The following CEP120 variants were observed in gnomAD, a reference collection of about 807,000 sequenced individuals.
The protein encoded by CEP120 is centrosomal protein 120.
In CEP120, 113 loss-of-function variants were observed where a neutral mutation model predicts 126.5. The ratio of observed to expected loss-of-function variants is 0.89; its 90% CI spans 0.77 to 1.04. The LOEUF is 1.04. Among genes scored for constraint, CEP120 ranks in the 50% least tolerant of loss-of-function variants. CEP120 has a pLI of 0.00. For synonymous variants in CEP120, 400 were observed against 394.3 expected, an observed-to-expected ratio of 1.01 and a Z score of -0.17; for missense variants, 1,230 against 1,155.7, an observed-to-expected ratio of 1.06 and a Z score of -0.93.
At chr5:123,354,775 GTT>G (rs35277610) in intron 18 of CEP120, among the ~76,000 whole-genome samples, 9 of 150,626 alleles carry the variant, frequency 6.0e-5, no homozygotes, top group Non-Finnish European at 1.0e-4. Context: ...ACCATCCTAT[GTT>G]TTTTTTTTAA....
Position 123,346,377 on chromosome 5 carries a change from A to G in CEP120, c.*142T>C. The G allele has an allele frequency of 1.7e-6, 1 of 586,988 alleles. No homozygotes were observed. The highest frequency in any genetic ancestry group is 2.9e-6 in the Non-Finnish European group (1 of 342,480). The allele number at this position is 586,988 out of a possible 1,614,324, so 36.4% of individuals were successfully genotyped here. On this transcript the variant is annotated 3_prime_UTR_variant, in exon 20 of 20. Coordinates refer to ENST00000306467, the MANE Select transcript of CEP120 (RefSeq NM_001375405.1). The stretch of plus-strand genomic sequence containing the variant: ...GCATAAAGTAAATAAGATCAAATAA[A>G]TACTATACAATAACATACAAAATTT...
intron 10 of CEP120, among the ~76,000 whole-genome samples, chr5:123,385,622 T>A (rs951504618): frequency 3.3e-5 from 5 of 150,398 alleles, no homozygotes; most frequent in African/African-American, 1.2e-4. Flanking sequence ...TATACCTGTT[T>A]TTTTTTTTTT....
intron 5 of CEP120, 137 bp downstream of exon 5, chr5:123,398,999 A>G: frequency 1.7e-6 from 1 of 571,502 alleles, no homozygotes; most frequent in Non-Finnish European, 2.9e-6. Flanking sequence ...AGTATGAAAG[A>G]AAACATGTTT....
intron 3 of CEP120, among the ~76,000 whole-genome samples, chr5:123,415,494 G>A (rs951950127): frequency 6.6e-5 from 10 of 152,220 alleles, no homozygotes; most frequent in African/African-American, 1.9e-4. Flanking sequence ...GTTCAGAGAT[G>A]TCTTTTTGAG....
At chr5:123,365,606 A>G (rs201491677) in intron 17 of CEP120, among the ~76,000 whole-genome samples, 2 of 151,716 alleles carry the variant, frequency 1.3e-5, no homozygotes, top group East Asian at 3.9e-4. Flanking sequence ...CTGCTTTACA[A>G]ATCCCTAGTG....
rs774775234 is a variant in CEP120 at position 123,382,234 on chromosome 5, A to G, written c.2014-34T>C. 28 of 1,387,394 alleles carry G rather than the reference A, an allele frequency of 2.0e-5. 1 individual carries two copies. The highest frequency in any genetic ancestry group is 1.2e-4 in the South Asian group (10 of 81,970). The allele number at this position is 1,387,394 out of a possible 1,614,324, so 85.9% of individuals were successfully genotyped here. The stretch of plus-strand genomic sequence containing the variant: ...GGAAGAAAAATAAAGTCGCCAAAAA[A>G]CCCCAAATATGTCAAATAAATGAAT... On this transcript the variant is annotated intron_variant, in intron 13 of 19. Transcript: ENST00000306467.
At position 123,346,459 on chromosome 5, in the gene CEP120, GTTTTTACAAAGAAATTAAAATTTAGACTT is replaced by G. The variant is rs1768821565; in HGVS notation, c.*31_*59del. 7.9e-7 allele frequency: 1 copy of G among 1,269,632 alleles called. No individual in the cohort carries two copies. The highest frequency in any genetic ancestry group is 1.5e-5 in the African/African-American group (1 of 66,784). The allele number at this position is 1,269,632 out of a possible 1,614,324, so 78.6% of individuals were successfully genotyped here. Reference sequence around the variant, plus strand: ...AACATCCATTTTCCTCACTTTTGAGGTTTTTACAAAGAAATTAAAATTTAGACTTAGAGTCTCTATAAAGCTTTTCCAAA... The same window carrying G: ...AACATCCATTTTCCTCACTTTTGAGGAGAGTCTCTATAAAGCTTTTCCAAA... On this transcript the variant is annotated 3_prime_UTR_variant, in exon 20 of 20. Transcript: ENST00000306467.
chr5:123,348,753 G>C lies in CEP120; in HGVS notation c.2726+1191C>G, dbSNP rs1040364337. Among the ~76,000 whole-genome samples the C allele has an allele frequency of 5.3e-5, 8 of 152,138 alleles. No individual in the cohort carries two copies. The East Asian group carries it at 1.5e-3, about 29-fold the overall frequency. ...TTAACCTCTAATGTGATGGTATTTGGAAATGGACCTTTGGGAGACAATCAG... is the reference window on the plus strand; with the variant it reads ...TTAACCTCTAATGTGATGGTATTTGCAAATGGACCTTTGGGAGACAATCAG... On this transcript the variant is annotated intron_variant, in intron 19 of 19. Transcript: ENST00000306467.
Position 123,402,080 on chromosome 5 carries a change from G to A in CEP120, c.464-2796C>T, listed in dbSNP as rs1773287089. ...TCTTGATCTGCTCCTTCTCCTGGGT[G>A]CACACAGCCTGGATGTCGGGGTCCA... On this transcript the variant is annotated intron_variant, in intron 4 of 19. Transcript: ENST00000306467. 2.5e-6 allele frequency: 4 copies of A among 1,584,490 alleles called. No homozygotes were observed. In the Admixed American group the frequency reaches 5.0e-5, roughly 20 times the overall value.
intron 5 of CEP120, among the ~76,000 whole-genome samples, chr5:123,395,688 T>A (rs1772734998): frequency 6.6e-6 from 1 of 150,652 alleles, no homozygotes; most frequent in Non-Finnish European, 1.5e-5. Flanking sequence ...TTCCTTTTTT[T>A]TTTTTTTTTT....
At position 123,359,485 on chromosome 5, in the gene CEP120, T is replaced by C. The variant is rs1013988627; in HGVS notation, c.2580+5011A>G. On this transcript the variant is annotated intron_variant, in intron 18 of 19. Coordinates refer to ENST00000306467, the MANE Select transcript of CEP120 (RefSeq NM_001375405.1). ...CAAGTAGGAAAGCAGACAACTTCACTTGAGTATTTGTAGACCAATGCAATT... is the reference window on the plus strand; with the variant it reads ...CAAGTAGGAAAGCAGACAACTTCACCTGAGTATTTGTAGACCAATGCAATT... Among the ~76,000 whole-genome samples, 3 of 152,100 alleles carry C rather than the reference T, an allele frequency of 2.0e-5. No individual in the cohort carries two copies. The South Asian group carries it at 6.2e-4, about 31-fold the overall frequency.
chr5:123,374,943 A>AT (rs1480519029), intron 16 of CEP120, among the ~76,000 whole-genome samples: 1 of 152,128 alleles, frequency 6.6e-6, no homozygotes, highest in Non-Finnish European at 1.5e-5. Context: ...CAAACTACAG[A>AT]TTTGAGTTCT....
At chr5:123,382,639 G>C (rs1771727908) in intron 13 of CEP120, 98 bp downstream of exon 13, 1 of 1,086,284 alleles carries the variant, frequency 9.2e-7, no homozygotes. Flanking sequence ...AGTTAGATAA[G>C]GTACCTACAG....
At chr5:123,401,949 G>A in intron 4 of CEP120, 7 of 1,578,470 alleles carry the variant, frequency 4.4e-6, no homozygotes, top group Non-Finnish European at 6.0e-6. Flanking sequence ...GTTGCTCCCG[G>A]CCGTCTTCTG....
At position 123,422,985 on chromosome 5, in the gene CEP120, G is replaced by T. The variant is rs752431722; in HGVS notation, c.14C>A (p.Ser5Tyr). The T allele has an allele frequency of 3.1e-6, 5 of 1,614,146 alleles. No homozygotes were observed. In the East Asian group the frequency reaches 1.1e-4, roughly 36 times the overall value. MVSK[S>Y]DQLLIVVSIL... ...GGACACGACGATGAGCAATTGGTCG[G>T]ATTTGGAGACCATGGTTGCGGTGAG... is the stretch of plus-strand genomic sequence containing the variant. The change falls in exon 1 of 20, where the codon TCC becomes TAC. Residue 5 changes from serine (S) to tyrosine (Y), a missense_variant. Transcript: ENST00000306467.
chr5:123,345,146 A>G lies in CEP120; in HGVS notation c.*1373T>C, dbSNP rs1768720895. 6.6e-6 allele frequency: 1 copy of G among 152,162 alleles called. No individual in the cohort carries two copies. The highest frequency in any genetic ancestry group is 2.4e-5 in the African/African-American group (1 of 41,436). 9.4% of individuals were successfully genotyped at this position (152,162 alleles called of 1,614,324 possible). A position where few individuals can be genotyped will look rare whatever the true frequency, so the allele number is the denominator to read the frequency against. The stretch of plus-strand genomic sequence containing the variant: ...CAAGTGGCACAAAAATCAATGAGAG[A>G]AAAATAGCTAACCATAATTAATATT... On this transcript the variant is annotated 3_prime_UTR_variant, in exon 20 of 20. Transcript: ENST00000306467.
chr5:123,393,546 A>G (rs760497649), intron 5 of CEP120, 49 bp from the exon 6 acceptor site: 1 of 1,455,350 alleles, frequency 6.9e-7, no homozygotes, highest in South Asian at 1.1e-5. Flanking sequence ...TAAACTACTG[A>G]ACATGCTTAG....
At chr5:123,366,158 ATTTT>A (rs948241839) in intron 17 of CEP120, among the ~76,000 whole-genome samples, 1 of 151,562 alleles carries the variant, frequency 6.6e-6, no homozygotes, top group Admixed American at 6.6e-5. Flanking sequence ...TTCCTAACTT[ATTTT>A]TTTTAAGATA....
intron 9 of CEP120, among the ~76,000 whole-genome samples, chr5:123,387,039 T>C (rs1772079988): frequency 6.6e-6 from 1 of 152,168 alleles, no homozygotes; most frequent in Non-Finnish European, 1.5e-5. Flanking sequence ...GTAATTATGG[T>C]AATCTTGCAA....
Sources: allele counts gnomAD v4.1 joint callset (sites outside exome capture counted in the v4.1 genomes callset), GRCh38; gene constraint gnomAD v4.1.1; transcripts MANE v1.5; gene names NCBI Gene and HGNC (gene_info 2026-07-23, HGNC 2026-07-21).